KCTD8: variants seen among roughly 807,000 people sequenced by gnomAD.
KCTD8 encodes the protein BTB/POZ domain-containing protein KCTD8.
A neutral mutation model predicts 31.5 loss-of-function variants in KCTD8; 27 were observed. The observed-to-expected ratio is 0.86, with a 90% CI of 0.63 to 1.18. The LOEUF (loss-of-function observed/expected upper bound fraction) is 1.18. Ranked by LOEUF, KCTD8 falls within the 50% of genes most tolerant of loss-of-function variation. The pLI, the probability that KCTD8 is intolerant of heterozygous loss-of-function variation, is 0.00. For synonymous variants in KCTD8, 290 were observed against 280.0 expected, an observed-to-expected ratio of 1.04 and a Z score of -0.36; for missense variants, 658 against 647.7, an observed-to-expected ratio of 1.02 and a Z score of -0.17.
chr4:44,261,196 T>G lies in KCTD8; in HGVS notation c.962-85946A>C, dbSNP rs547727060. On this transcript the variant is annotated intron_variant, in intron 1 of 1. Coordinates refer to ENST00000360029, the MANE Select transcript of KCTD8 (RefSeq NM_198353.3). Reference sequence around the variant, plus strand: ...CTGGTGAACTAATGGTAGTGTTCACTAAGTTGGGGTAAACTGGAGGAGGAA... The same window carrying G: ...CTGGTGAACTAATGGTAGTGTTCACGAAGTTGGGGTAAACTGGAGGAGGAA... 2.0e-5 allele frequency among the ~76,000 whole-genome samples: 3 copies of G among 152,084 alleles called. No homozygotes were observed. In the East Asian group the frequency reaches 5.8e-4, roughly 29 times the overall value.
intron 1 of KCTD8, among the ~76,000 whole-genome samples, chr4:44,360,849 C>T (rs1054358378): frequency 6.6e-5 from 10 of 151,964 alleles, no homozygotes; most frequent in Non-Finnish European, 1.5e-4. Context: ...TGCCTTATTT[C>T]ATTTACTTAT....
At chr4:44,446,986 TCGAGGG>T (rs1721956004) in intron 1 of KCTD8, among the ~76,000 whole-genome samples, 1 of 150,146 alleles carries the variant, frequency 6.7e-6, no homozygotes, top group Non-Finnish European at 1.5e-5. Flanking sequence ...CCCCGCCCCC[TCGAGGG>T]GCTCTGGGGG....
intron 1 of KCTD8, among the ~76,000 whole-genome samples, chr4:44,229,358 G>A (rs1577842016): frequency 6.6e-6 from 1 of 152,196 alleles, no homozygotes. Context: ...AGATGCCAGG[G>A]AGAAGCAACT....
intron 1 of KCTD8, among the ~76,000 whole-genome samples, chr4:44,411,458 G>A (rs1469841055): frequency 6.6e-6 from 1 of 150,914 alleles, no homozygotes; most frequent in East Asian, 2.0e-4. Flanking sequence ...CATTATTTGT[G>A]ATCTCCTTTG....
chr4:44,407,820 C>G (rs1179129640), intron 1 of KCTD8, among the ~76,000 whole-genome samples: 1 of 152,082 alleles, frequency 6.6e-6, no homozygotes, highest in Non-Finnish European at 1.5e-5. Context: ...AACTAAATAC[C>G]TATATTTATT....
intron 1 of KCTD8, among the ~76,000 whole-genome samples, chr4:44,351,669 T>C (rs779300074): frequency 1.3e-4 from 20 of 152,200 alleles, no homozygotes; most frequent in Non-Finnish European, 2.2e-4. Context: ...CTAGAAAATA[T>C]CTTTAATGTA....
At chr4:44,407,228 G>A (rs1267299494) in intron 1 of KCTD8, among the ~76,000 whole-genome samples, 1 of 151,992 alleles carries the variant, frequency 6.6e-6, no homozygotes, top group African/African-American at 2.4e-5. Context: ...AAGTTCTGAA[G>A]ACACTGCCTT....
chr4:44,320,590 C>T (rs1014894232), intron 1 of KCTD8, among the ~76,000 whole-genome samples: 8 of 151,946 alleles, frequency 5.3e-5, no homozygotes, highest in Non-Finnish European at 8.8e-5. Flanking sequence ...ATAGACCTCA[C>T]CAAATAAAGC....
At chr4:44,283,067 ATTATT>A (rs1716946516) in intron 1 of KCTD8, among the ~76,000 whole-genome samples, 1 of 127,342 alleles carries the variant, frequency 7.9e-6, no homozygotes. Context: ...TATTATTATT[ATTATT>A]ATTGAGACAG....
intron 1 of KCTD8, among the ~76,000 whole-genome samples, chr4:44,182,358 G>T (rs62304796): frequency 0.018 from 2,773 of 152,382 alleles, 39 homozygotes; most frequent in Non-Finnish European, 0.03. Context: ...AGGGGGAAAG[G>T]TGGGGAAAAG....
At chr4:44,372,132 TA>T (rs1453904595) in intron 1 of KCTD8, among the ~76,000 whole-genome samples, 1 of 152,212 alleles carries the variant, frequency 6.6e-6, no homozygotes, top group Non-Finnish European at 1.5e-5. Context: ...AGTCTTTTAA[TA>T]AGCACAGTGT....
intron 1 of KCTD8, among the ~76,000 whole-genome samples, chr4:44,426,148 C>A: frequency 6.7e-6 from 1 of 149,510 alleles, no homozygotes; most frequent in South Asian, 2.1e-4. Flanking sequence ...TGTAAGGTAC[C>A]ATGTAAAAGG....
chr4:44,422,796 G>T (rs1721246771), intron 1 of KCTD8, among the ~76,000 whole-genome samples: 1 of 152,040 alleles, frequency 6.6e-6, no homozygotes, highest in Non-Finnish European at 1.5e-5. Context: ...CTATTAGGAA[G>T]ATTAAATGAA....
At chr4:44,352,710 C>T (rs745559347) in intron 1 of KCTD8, among the ~76,000 whole-genome samples, 8 of 151,356 alleles carry the variant, frequency 5.3e-5, no homozygotes, top group Non-Finnish European at 8.8e-5. Context: ...TCATTGTATC[C>T]ATCTATCTAT....
intron 1 of KCTD8, among the ~76,000 whole-genome samples, chr4:44,307,158 C>T (rs1717828431): frequency 6.6e-6 from 1 of 151,934 alleles, no homozygotes; most frequent in Non-Finnish European, 1.5e-5. Flanking sequence ...TAAAGCTAGT[C>T]AAAATGCACC....
At chr4:44,354,212 T>C (rs532433916) in intron 1 of KCTD8, among the ~76,000 whole-genome samples, 4 of 152,270 alleles carry the variant, frequency 2.6e-5, no homozygotes, top group Non-Finnish European at 5.9e-5. Flanking sequence ...TTTAAGTTCA[T>C]TTGTTGTGTG....
At chr4:44,238,301 A>T (rs535919825) in intron 1 of KCTD8, among the ~76,000 whole-genome samples, 2 of 151,988 alleles carry the variant, frequency 1.3e-5, no homozygotes, top group Non-Finnish European at 2.9e-5. Flanking sequence ...GGATGGTGTT[A>T]TATTTTCTCA....
At chr4:44,185,553 T>G (rs1713560150) in intron 1 of KCTD8, among the ~76,000 whole-genome samples, 1 of 152,230 alleles carries the variant, frequency 6.6e-6, no homozygotes. Context: ...CATATTTTAG[T>G]GCTCCCCATT....
At chr4:44,368,512 G>T (rs1719699669) in intron 1 of KCTD8, among the ~76,000 whole-genome samples, 1 of 152,182 alleles carries the variant, frequency 6.6e-6, no homozygotes, top group Admixed American at 6.5e-5. Context: ...ATTAGGTGGA[G>T]GACCACATTT....
Sources: gnomAD v4.1 joint callset for allele counts (sites outside exome capture counted in the v4.1 genomes callset) on GRCh38, gnomAD v4.1.1 for gene constraint, MANE v1.5 for transcripts, NCBI Gene and HGNC (gene_info 2026-07-23, HGNC 2026-07-21) for gene names.